The following GPR179 variants were observed in gnomAD, a reference collection of about 807,000 sequenced individuals.
GPR179 encodes G protein-coupled receptor 179, also known as probable G protein-coupled receptor 179.
GPR179 carries 52 observed loss-of-function variants against 70.8 expected under a neutral mutation model. The observed-to-expected ratio is 0.73, with a 90% CI of 0.59 to 0.93. The LOEUF (loss-of-function observed/expected upper bound fraction) is 0.93, where lower values mean the gene tolerates loss of function less well. GPR179 is among the 40% of genes least tolerant of loss of function. GPR179 has a pLI of 0.00. For synonymous variants in GPR179, 1,123 were observed against 1,169.0 expected (o/e 0.96, Z 0.80); for missense variants, 2,734 against 2,966.8 (o/e 0.92, Z 1.82).
chr17:38,327,552 C>G lies in GPR179; in HGVS notation c.6017G>C (p.Gly2006Ala), dbSNP rs753490497. The G allele has an allele frequency of 1.9e-6, 3 of 1,614,108 alleles. No individual in the cohort carries two copies. The highest frequency in any genetic ancestry group is 2.5e-6 in the Non-Finnish European group (3 of 1,180,010). The part of the protein sequence containing the change: ...DVCPWDVPDA[G>A]VYKSDSSAKA... ...GGCACTGCTGTCAGATTTATACACA[C>G]CTGCATCAGGAACATCCCATGGGCA... The change falls in exon 11 of 11, where the codon GGT (glycine) becomes GCT (alanine). Residue 2006 changes from glycine to alanine, a missense_variant. By Grantham distance (60) the Gly-to-Ala change is moderately conservative. Transcript: ENST00000616987.
rs1203648470 is a variant in GPR179, at chr17:38,326,533, G to A, written c.7036C>T (p.Gln2346Ter). Residue 2346 changes from glutamine (Q) to a stop codon, truncating the protein, a stop_gained, in exon 11 of 11, where the codon CAA (glutamine) becomes TAA (stop). Coordinates refer to ENST00000616987, the MANE Select transcript of GPR179 (RefSeq NM_001004334.4). LOFTEE classifies it low-confidence loss of function (END_TRUNC). ...TCATACTGAGCTTCAAAAGCCACTTGGCCTGAGTCTTCAGTTAAGGACGAA... is the reference window on the plus strand; with the variant it reads ...TCATACTGAGCTTCAAAAGCCACTTAGCCTGAGTCTTCAGTTAAGGACGAA... Reference protein sequence around the residue: ...QSSSLTEDSGQVAFEAQYEEF... With the variant: ...QSSSLTEDSG The A allele has an allele frequency of 2.5e-6, 4 of 1,614,110 alleles. No individual in the cohort carries two copies. The South Asian group carries it at 3.3e-5, about 13-fold the overall frequency.
At chr17:38,336,214 G>A (rs1220792674) in intron 4 of GPR179, 70 bp from the exon 5 acceptor site, 1 of 1,056,510 alleles carries the variant, frequency 9.5e-7, no homozygotes, top group Non-Finnish European at 1.5e-6. Flanking sequence ...AGGCCTATGT[G>A]AACGGTCACT....
rs370414249 is a variant in GPR179, at chr17:38,328,279, A to G, written c.5290T>C (p.Trp1764Arg). 1.2e-6 allele frequency: 2 copies of G among 1,613,924 alleles called. No homozygotes were observed. Among genetic ancestry groups the G allele is most frequent in the Non-Finnish European group, 1.7e-6 (2 of 1,180,016 alleles). The stretch of plus-strand genomic sequence containing the variant: ...CAGGCCCCTGGACCCACACTCCCCC[A>G]GGGACAAGCCACCTCCCACTCTGGG... ...PTPEWEVACP[W>R]GSVGPGACSQ... The change falls in exon 11 of 11, where the codon TGG (tryptophan) becomes CGG (arginine). Residue 1764 changes from tryptophan (W) to arginine (R), a missense_variant. Transcript: ENST00000616987.
chr17:38,343,554 C>T lies in GPR179; in HGVS notation c.236G>A (p.Arg79His), dbSNP rs200725213. ...GGCTCCTGCCCCACGCGCTTCATAG[C>T]GCTCACTGCAATTCACCTGTGATAG... ...QQLSQVNCSERYEARGAGAMP... is the reference protein window; with the variant it reads ...QQLSQVNCSEHYEARGAGAMP... Residue 79 changes from arginine (R) to histidine (H), a missense_variant, in exon 1 of 11, where the codon CGC (arginine) becomes CAC (histidine). Transcript: ENST00000616987. This position sits in a 1 kb window ranked among gnomAD's most constrained non-coding sequence, Gnocchi z 4.2. 2.5e-5 allele frequency: 41 copies of T among 1,613,676 alleles called. No individual in the cohort carries two copies. Among genetic ancestry groups the T allele is most frequent in the African/African-American group, 2.1e-4 (16 of 74,930 alleles).
intron 10 of GPR179, among the ~76,000 whole-genome samples, chr17:38,332,578 C>T (rs2037368989): frequency 6.6e-6 from 1 of 152,220 alleles, no homozygotes; most frequent in African/African-American, 2.4e-5. Context: ...GTGCCCTAGG[C>T]ACCAACCATC....
intron 3 of GPR179, 77 bp from the exon 4 acceptor site, chr17:38,337,290 C>T (rs1364756548): frequency 4.0e-6 from 6 of 1,487,594 alleles, no homozygotes; most frequent in South Asian, 3.9e-5. Flanking sequence ...CCCTGATAGT[C>T]ACCACAGCCC....
chr17:38,335,466 G>C, intron 6 of GPR179, 125 bp downstream of exon 6: 1 of 797,552 alleles, frequency 1.3e-6, no homozygotes, highest in Non-Finnish European at 2.1e-6. Flanking sequence ...GGTGATGGGG[G>C]TTGGCCTTGG....
Position 38,343,704 on chromosome 17 carries a change from G to T in GPR179, c.86C>A (p.Pro29Gln). The T allele has an allele frequency of 2.5e-6, 4 of 1,598,760 alleles. No homozygotes were observed. The highest frequency in any genetic ancestry group is 3.4e-6 in the Non-Finnish European group (4 of 1,170,920). Residue 29 changes from proline to glutamine, a missense_variant, in exon 1 of 11, where the codon CCA becomes CAA. Coordinates refer to ENST00000616987, the MANE Select transcript of GPR179 (RefSeq NM_001004334.4). This position sits in a 1 kb window ranked among gnomAD's most constrained non-coding sequence, Gnocchi z 4.2. ...CFVCAWALGGPRPIRSLPPLS... is the reference protein window; with the variant it reads ...CFVCAWALGGQRPIRSLPPLS... ...AGGGGGCAGAGAGCGGATGGGCCGT[G>T]GACCCCCCAGAGCCCAGGCACAGAC...
chr17:38,339,694 G>A (rs1052775006), intron 1 of GPR179, among the ~76,000 whole-genome samples, 169 bp from the exon 2 acceptor site: 10 of 152,122 alleles, frequency 6.6e-5, no homozygotes, highest in African/African-American at 1.4e-4. Context: ...AGGTCTCTCC[G>A]ACCTTCTCCT....
chr17:38,325,348 T>C lies in GPR179; in HGVS notation c.*1117A>G, dbSNP rs1023866002. Among the ~76,000 whole-genome samples the C allele has an allele frequency of 5.9e-5, 9 of 152,082 alleles. No individual in the cohort carries two copies. The highest frequency in any genetic ancestry group is 2.6e-4 in the Admixed American group (4 of 15,262). ...TAACTTGCCCTGTAGCACTCCTCTT[T>C]TAGAGGGCAGAAGAAGTAGAGTGCT... is the stretch of plus-strand genomic sequence containing the variant. On this transcript the variant is annotated 3_prime_UTR_variant, in exon 11 of 11. Coordinates refer to ENST00000616987, the MANE Select transcript of GPR179 (RefSeq NM_001004334.4).
chr17:38,335,570 A>T (rs1160431153), intron 6 of GPR179, 21 bp downstream of exon 6: 1 of 1,552,090 alleles, frequency 6.4e-7, no homozygotes, highest in South Asian at 1.1e-5. Context: ...GCATGAGAGC[A>T]AAGTCTGCCC....
chr17:38,338,395 A>G (rs2144274978), intron 2 of GPR179, among the ~76,000 whole-genome samples: 1 of 152,362 alleles, frequency 6.6e-6, no homozygotes. Flanking sequence ...AACAGACATC[A>G]GTGACGCAAA....
At position 38,327,253 on chromosome 17, in the gene GPR179, T is replaced by A; in HGVS notation, c.6316A>T (p.Ser2106Cys). ...ACTTCCGCTACCCTGGTCTCCACAC[T>A]GCCTGCTGCCTCAGAACTGCCTCTG... is the stretch of plus-strand genomic sequence containing the variant. ...RSRGSSEAAG[S>C]VETRVAEVCL... Residue 2106 changes from serine to cysteine, a missense_variant, in exon 11 of 11, where the codon AGT (serine) becomes TGT (cysteine). Transcript: ENST00000616987. 1 of 1,614,246 alleles carries A rather than the reference T, an allele frequency of 6.2e-7. No homozygotes were observed. The highest frequency in any genetic ancestry group is 8.5e-7 in the Non-Finnish European group (1 of 1,180,042).
Position 38,334,014 on chromosome 17 carries a change from G to C in GPR179, c.1809C>G (p.His603Gln). The part of the protein sequence containing the change: ...TARFVLVPSL[H>Q]PDWTLLLFFF... Reference sequence around the variant, plus strand: ...AGAAGAGGAGGAGGGTCCAGTCCGGGTGCAGAGAGGGAACCAGCACAAACC... The same window carrying C: ...AGAAGAGGAGGAGGGTCCAGTCCGGCTGCAGAGAGGGAACCAGCACAAACC... Residue 603 changes from histidine (H) to glutamine (Q), a missense_variant, in exon 9 of 11, where the codon CAC becomes CAG. Physicochemically the swap from His to Gln is conservative, Grantham distance 24 (BLOSUM62 0). Coordinates refer to ENST00000616987, the MANE Select transcript of GPR179 (RefSeq NM_001004334.4). This position sits in a 1 kb window ranked among gnomAD's most constrained non-coding sequence, Gnocchi z 4.7. The C allele has an allele frequency of 6.2e-7, 1 of 1,613,976 alleles. No homozygotes were observed. The highest frequency in any genetic ancestry group is 8.5e-7 in the Non-Finnish European group (1 of 1,179,936).
At position 38,328,291 on chromosome 17, in the gene GPR179, C is replaced by T. The variant is rs1402638811; in HGVS notation, c.5278G>A (p.Val1760Met). 1.2e-6 allele frequency: 2 copies of T among 1,614,044 alleles called. No homozygotes were observed. The highest frequency in any genetic ancestry group is 1.1e-5 in the South Asian group (1 of 91,082). The part of the protein sequence containing the change: ...KPQKPTPEWE[V>M]ACPWGSVGPG... ...CCCACACTCCCCCAGGGACAAGCCA[C>T]CTCCCACTCTGGGGTTGGCTTCTGT... The change falls in exon 11 of 11, where the codon GTG (valine) becomes ATG (methionine). Residue 1760 changes from valine to methionine, a missense_variant. Val to Met is a conservative substitution (Grantham distance 21, BLOSUM62 1). Transcript: ENST00000616987.
At chr17:38,332,181 C>T (rs2037366011) in intron 10 of GPR179, among the ~76,000 whole-genome samples, 1 of 152,084 alleles carries the variant, frequency 6.6e-6, no homozygotes, top group Non-Finnish European at 1.5e-5. Context: ...GGGAAACGGG[C>T]AGAGGCACTG....
chr17:38,335,216 C>G lies in GPR179; in HGVS notation c.1462G>C (p.Gly488Arg), dbSNP rs1468099667. ...TAQRSALLSS[G>R]RLLRHLGLLL... ...AGCCCCAGGTGCCGCAGCAGCCGCC[C>G]GCTGCTCAGAAGGGCACTCCGCTGG... The change falls in exon 7 of 11, where the codon GGG (glycine) becomes CGG (arginine). Residue 488 changes from glycine (G) to arginine (R), a missense_variant. By Grantham distance (125) the Gly-to-Arg change is moderately radical. Coordinates refer to ENST00000616987, the MANE Select transcript of GPR179 (RefSeq NM_001004334.4). 1.3e-6 allele frequency: 2 copies of G among 1,554,852 alleles called. No homozygotes were observed. Among genetic ancestry groups the G allele is most frequent in the Non-Finnish European group, 1.7e-6 (2 of 1,149,280 alleles).
chr17:38,329,551 G>C lies in GPR179; in HGVS notation c.4018C>G (p.Pro1340Ala), dbSNP rs768716998. Residue 1340 changes from proline (P) to alanine (A), a missense_variant, in exon 11 of 11, where the codon CCT becomes GCT. Transcript: ENST00000616987. The stretch of plus-strand genomic sequence containing the variant: ...TCAGATTTGTCTCTGATTCTGCCAG[G>C]GTCCTGAGGAGCTGACCCAGGGGAC... ...GLSPGSAPQD[P>A]GRIRDKSEAG... The C allele has an allele frequency of 4.3e-6, 7 of 1,613,868 alleles. No homozygotes were observed. The highest frequency in any genetic ancestry group is 3.3e-5 in the Admixed American group (2 of 60,002).
rs779751762 is a variant in GPR179 at position 38,335,735 on chromosome 17, T to C, written c.1297-35A>G. The C allele has an allele frequency of 3.0e-5, 42 of 1,408,542 alleles. No homozygotes were observed. The East Asian group carries it at 6.2e-4, about 21-fold the overall frequency. The allele number at this position is 1,408,542 out of a possible 1,614,324, so 87.3% of individuals were successfully genotyped here. A position where few individuals can be genotyped will look rare whatever the true frequency, so the allele number is the denominator to read the frequency against. On this transcript the variant is annotated intron_variant, in intron 5 of 10. Transcript: ENST00000616987. ...AGGGGCAAAAATCTCTGCTCTCTAC[T>C]ATGCTTCTGCTGTGGGCCAGGCCTA... is the stretch of plus-strand genomic sequence containing the variant.
Sources: allele counts gnomAD v4.1 joint callset (sites outside exome capture counted in the v4.1 genomes callset), GRCh38; gene constraint gnomAD v4.1.1; non-coding constraint Gnocchi (gnomAD v3.1); transcripts MANE v1.5; gene names NCBI Gene and HGNC (gene_info 2026-07-23, HGNC 2026-07-21).